The following TRIM2 variants were observed in gnomAD, a reference collection of about 807,000 sequenced individuals.
TRIM2 encodes the protein tripartite motif containing 2, also known as tripartite motif-containing protein 2.
In TRIM2, 20 loss-of-function variants were observed where a neutral mutation model predicts 75.2. The observed-to-expected ratio is 0.27, with a 90% CI of 0.19 to 0.39. The LOEUF is 0.39. Among genes scored for constraint, TRIM2 ranks in the 10% least tolerant of loss-of-function variants. The pLI is 1.00. For synonymous variants in TRIM2, 373 were observed against 388.3 expected (o/e 0.96, Z 0.46); for missense variants, 660 against 990.8 (o/e 0.67, Z 4.48).
intron 1 of TRIM2, among the ~76,000 whole-genome samples, chr4:153,239,476 A>G (rs1745939093): frequency 6.6e-6 from 1 of 151,282 alleles, no homozygotes; most frequent in Admixed American, 6.6e-5. Flanking sequence ...TTCCTTTCTA[A>G]CTAAGAGAGA....
Position 153,295,292 on chromosome 4 carries a change from A to G in TRIM2, c.787-21A>G. The stretch of plus-strand genomic sequence containing the variant: ...CCCCGCCCTGTGGGACGAGCTCACC[A>G]GGCCTCCGGTTTTCCCGCAGGTCCT... On this transcript the variant is annotated intron_variant, in intron 5 of 11. Transcript: ENST00000338700. This position sits in a 1 kb window ranked among gnomAD's most constrained non-coding sequence, Gnocchi z 7.2. The G allele has an allele frequency of 6.4e-7, 1 of 1,557,338 alleles. No individual in the cohort carries two copies. The highest frequency in any genetic ancestry group is 1.2e-5 in the South Asian group (1 of 80,478).
chr4:153,249,316 G>A (rs1367549451), intron 1 of TRIM2, among the ~76,000 whole-genome samples: 1 of 152,024 alleles, frequency 6.6e-6, no homozygotes, highest in African/African-American at 2.4e-5. Context: ...GGGGCCTGTT[G>A]CTATGGAGCC....
intron 3 of TRIM2, among the ~76,000 whole-genome samples, chr4:153,276,960 A>T (rs1390543218): frequency 1.3e-5 from 2 of 152,236 alleles, no homozygotes; most frequent in African/African-American, 4.8e-5. Flanking sequence ...ACATTTTTTC[A>T]TTAATTACTT....
intron 1 of TRIM2, among the ~76,000 whole-genome samples, chr4:153,164,528 A>G (rs1730086535): frequency 6.6e-6 from 1 of 152,152 alleles, no homozygotes; most frequent in African/African-American, 2.4e-5. Context: ...AATAAGTAAT[A>G]TATTTACATA....
intron 6 of TRIM2, among the ~76,000 whole-genome samples, chr4:153,302,386 G>A (rs1334333660): frequency 6.6e-6 from 1 of 152,222 alleles, no homozygotes; most frequent in Non-Finnish European, 1.5e-5. Flanking sequence ...AGAGATGAAG[G>A]AAATGACATC....
chr4:153,204,734 T>C (rs558754476), intron 1 of TRIM2, among the ~76,000 whole-genome samples, 174 bp downstream of exon 1: 3 of 152,270 alleles, frequency 2.0e-5, no homozygotes, highest in South Asian at 4.1e-4. Context: ...GTGAGCTCTG[T>C]TAATCCAGGC....
Position 153,156,506 on chromosome 4 carries a change from C to T in TRIM2, c.-49+3236C>T, listed in dbSNP as rs147985746. ...CCACTCACAGCTCCCTTGCTCCCTC[C>T]ACTGGTGATGTAGATGGGGTGAGTG... On this transcript the variant is annotated intron_variant, in intron 1 of 11. Coordinates refer to the TRIM2 transcript ENST00000437508. Among the ~76,000 whole-genome samples the T allele has an allele frequency of 8.0e-3, 1,223 of 152,276 alleles. 9 individuals carry two copies. The highest frequency in any genetic ancestry group is 0.012 in the Non-Finnish European group (844 of 68,010).
intron 1 of TRIM2, among the ~76,000 whole-genome samples, chr4:153,188,271 G>A (rs1732818190): frequency 6.6e-6 from 1 of 152,114 alleles, no homozygotes; most frequent in South Asian, 2.1e-4. Context: ...ACCAGCCTGG[G>A]CAACATGGTG....
intron 3 of TRIM2, among the ~76,000 whole-genome samples, chr4:153,280,769 C>T (rs1560941425): frequency 6.6e-6 from 1 of 151,958 alleles, no homozygotes; most frequent in Admixed American, 6.6e-5. Flanking sequence ...ACTACAAGCT[C>T]TGCCTCCCGG....
At chr4:153,185,588 G>A (rs1283350262) in intron 1 of TRIM2, among the ~76,000 whole-genome samples, 1 of 152,076 alleles carries the variant, frequency 6.6e-6, no homozygotes, top group Non-Finnish European at 1.5e-5. Flanking sequence ...CTGTGCCTTT[G>A]TGTTTGAAAA....
At chr4:153,259,393 C>G (rs1752853305) in intron 1 of TRIM2, among the ~76,000 whole-genome samples, 2 of 152,082 alleles carry the variant, frequency 1.3e-5, no homozygotes, top group African/African-American at 2.4e-5. Context: ...TCTTTTATCT[C>G]TTTTTATTAG....
intron 1 of TRIM2, among the ~76,000 whole-genome samples, chr4:153,262,611 G>T (rs1390615649): frequency 6.6e-6 from 1 of 152,146 alleles, no homozygotes; most frequent in Non-Finnish European, 1.5e-5. Flanking sequence ...GGGGAGGGTA[G>T]GAATCTTGCG....
chr4:153,273,183 C>T (rs1757152672), intron 2 of TRIM2, among the ~76,000 whole-genome samples: 1 of 151,554 alleles, frequency 6.6e-6, no homozygotes, highest in African/African-American at 2.4e-5. Flanking sequence ...GCTTGTCTCA[C>T]TGTCAGGAGA....
At chr4:153,315,749 T>G in intron 7 of TRIM2, 83 bp from the exon 8 acceptor site, 2 of 1,533,704 alleles carry the variant, frequency 1.3e-6, no homozygotes, top group Non-Finnish European at 1.8e-6. Flanking sequence ...GATCTCTGTA[T>G]GTATGGCAGA....
intron 1 of TRIM2, among the ~76,000 whole-genome samples, chr4:153,256,530 T>C (rs970942844): frequency 6.6e-6 from 1 of 152,242 alleles, no homozygotes. Context: ...TGAATTCTAC[T>C]CTGATATGTA....
chr4:153,176,452 CAA>C (rs1162971173), intron 1 of TRIM2, among the ~76,000 whole-genome samples: 1 of 136,598 alleles, frequency 7.3e-6, no homozygotes, highest in African/African-American at 2.7e-5. Flanking sequence ...GATCCTGTGT[CAA>C]AAAAAAAAAG....
intron 2 of TRIM2, among the ~76,000 whole-genome samples, chr4:153,271,582 T>C (rs909131091): frequency 2.0e-5 from 3 of 152,182 alleles, no homozygotes; most frequent in Admixed American, 1.3e-4. Flanking sequence ...GTTTTGTGTG[T>C]GTGCGTGTGC....
At chr4:153,239,131 T>C (rs1166802315) in intron 1 of TRIM2, among the ~76,000 whole-genome samples, 1 of 152,130 alleles carries the variant, frequency 6.6e-6, no homozygotes, top group Non-Finnish European at 1.5e-5. Flanking sequence ...GGTGGGTGGA[T>C]CACGAGGTCA....
chr4:153,208,222 T>C (rs1409357984), intron 1 of TRIM2, among the ~76,000 whole-genome samples: 1 of 152,062 alleles, frequency 6.6e-6, no homozygotes, highest in East Asian at 1.9e-4. Flanking sequence ...CACTTGAGCC[T>C]GGGAGGTGGA....
Sources: gnomAD v4.1 joint callset for allele counts (sites outside exome capture counted in the v4.1 genomes callset) on GRCh38, gnomAD v4.1.1 for gene constraint, Gnocchi (gnomAD v3.1) non-coding constraint, MANE v1.5 for transcripts, NCBI Gene and HGNC (gene_info 2026-07-23, HGNC 2026-07-21) for gene names.